Variants in DHX38 observed in about 807,000 individuals in gnomAD.
DHX38 encodes the protein DEAH-box helicase 38.
A neutral mutation model predicts 153.1 loss-of-function variants in DHX38; 100 were observed. The ratio of observed to expected loss-of-function variants is 0.65; its 90% CI spans 0.56 to 0.77. DHX38 has a LOEUF of 0.77. Ranked by LOEUF, DHX38 falls within the 30% of genes least tolerant of loss-of-function variation. The pLI is 0.00. For synonymous variants in DHX38, 650 were observed against 631.7 expected (o/e 1.03, Z -0.43); for missense variants, 1,440 against 1,654.0 (o/e 0.87, Z 2.24).
At chr16:72,100,388 G>A (rs777961797) in intron 8 of DHX38, 48 bp from the exon 9 acceptor site, 3 of 1,594,038 alleles carry the variant, frequency 1.9e-6, no homozygotes, top group South Asian at 2.3e-5. Context: ...CTTTCAGGAC[G>A]ACCTTTGGGG....
Position 72,097,279 on chromosome 16 carries a change from G to A in DHX38, c.511+270G>A, listed in dbSNP as rs945738262. On this transcript the variant is annotated intron_variant, in intron 3 of 26. Transcript: ENST00000268482. Reference sequence around the variant, plus strand: ...GGAGATAATGGGTAAATATGTATAAGAGACCAGCATTTCTAATAGTATTGG... The same window carrying A: ...GGAGATAATGGGTAAATATGTATAAAAGACCAGCATTTCTAATAGTATTGG... The A allele has an allele frequency of 2.8e-4, 115 of 414,650 alleles. 1 individual carries two copies. The East Asian group carries it at 4.5e-3, about 16-fold the overall frequency. The allele number at this position is 414,650 out of a possible 1,614,324, so 25.7% of individuals were successfully genotyped here.
Position 72,108,293 on chromosome 16 carries a change from T to C in DHX38, c.3031T>C (p.Tyr1011His). The change falls in exon 22 of 27, where the codon TAC (tyrosine) becomes CAC (histidine). Residue 1011 changes from tyrosine (Y) to histidine (H), a missense_variant. Tyr to His is a moderately conservative substitution (Grantham distance 83). Transcript: ENST00000268482. The stretch of plus-strand genomic sequence containing the variant: ...TGTTCCTGAGAGCGATCATTTGACC[T>C]ACCTGAATGTTTACCTGCAGTGGAA... ...FAVPESDHLT[Y>H]LNVYLQWKNN... is the part of the protein sequence containing the mutation. 1 of 1,614,146 alleles carries C rather than the reference T, an allele frequency of 6.2e-7. No individual in the cohort carries two copies.
chr16:72,098,212 T>C (rs919495090), intron 4 of DHX38, among the ~76,000 whole-genome samples: 3 of 151,988 alleles, frequency 2.0e-5, no homozygotes, highest in Non-Finnish European at 4.4e-5. Context: ...GCAGGCAGAT[T>C]ACTTGAGGTC....
At chr16:72,108,987 C>T in intron 24 of DHX38, 62 bp downstream of exon 24, 2 of 1,532,026 alleles carry the variant, frequency 1.3e-6, no homozygotes, top group Non-Finnish European at 1.8e-6. Flanking sequence ...CTTTGAAACC[C>T]TTCACTGCGT....
chr16:72,098,684 A>G lies in DHX38; in HGVS notation c.656A>G (p.Asp219Gly). Residue 219 changes from aspartate to glycine, a missense_variant, in exon 5 of 27, where the codon GAC (aspartate) becomes GGC (glycine). Physicochemically the swap from Asp to Gly is moderately conservative, Grantham distance 94. Coordinates refer to ENST00000268482, the MANE Select transcript of DHX38 (RefSeq NM_014003.4). ...TCAAGGTCTACCTGGGAGGAAGAGG[A>G]CAGTGGCTATGGCTCCTCAAGGCGC... Reference protein sequence around the residue: ...TPSRSTWEEEDSGYGSSRRSQ... With the variant: ...TPSRSTWEEEGSGYGSSRRSQ... 1 of 1,613,906 alleles carries G rather than the reference A, an allele frequency of 6.2e-7. No homozygotes were observed. Among genetic ancestry groups the G allele is most frequent in the Non-Finnish European group, 8.5e-7 (1 of 1,179,952 alleles).
At chr16:72,109,531 G>A (rs752848429) in intron 25 of DHX38, 21 bp downstream of exon 25, 11 of 1,599,352 alleles carry the variant, frequency 6.9e-6, no homozygotes, top group South Asian at 2.2e-5. Flanking sequence ...TGTGCTCTTC[G>A]CAGGGGTGCT....
intron 7 of DHX38, 150 bp downstream of exon 7, chr16:72,099,430 A>G (rs928520634): frequency 7.6e-5 from 58 of 758,778 alleles, no homozygotes; most frequent in Non-Finnish European, 1.9e-5. Flanking sequence ...CATAGACGGC[A>G]CGGTGAACCC....
intron 25 of DHX38, among the ~76,000 whole-genome samples, 193 bp from the exon 26 acceptor site, chr16:72,110,763 T>G (rs1361934349): frequency 6.6e-6 from 1 of 152,224 alleles, no homozygotes; most frequent in African/African-American, 2.4e-5. Context: ...GATTGTCCAG[T>G]GTCTTGAGTC....
chr16:72,109,532 C>T (rs374559136), intron 25 of DHX38, 22 bp downstream of exon 25: 71 of 1,599,740 alleles, frequency 4.4e-5, no homozygotes, highest in Middle Eastern at 1.7e-4. Context: ...GTGCTCTTCG[C>T]AGGGGTGCTG....
At chr16:72,098,884 T>A (rs771050071) in intron 5 of DHX38, 43 bp from the exon 6 acceptor site, 3 of 1,614,086 alleles carry the variant, frequency 1.9e-6, no homozygotes, top group Non-Finnish European at 2.5e-6. Flanking sequence ...GGACGTGGCT[T>A]AGCTCAGTGA....
At chr16:72,106,185 G>T (rs1224452268) in intron 19 of DHX38, 68 bp downstream of exon 19, 4 of 1,492,132 alleles carry the variant, frequency 2.7e-6, no homozygotes, top group Non-Finnish European at 3.7e-6. Context: ...GCCCGGGCGG[G>T]GGCGGGCAGG....
chr16:72,108,994 G>A, intron 24 of DHX38, 69 bp downstream of exon 24: 12 of 1,527,302 alleles, frequency 7.9e-6, no homozygotes, highest in Non-Finnish European at 1.1e-5. Context: ...ACCCTTCACT[G>A]CGTTCTGGCA....
At chr16:72,100,987 C>G in intron 9 of DHX38, 99 bp from the exon 10 acceptor site, 1 of 1,181,474 alleles carries the variant, frequency 8.5e-7, no homozygotes, top group Non-Finnish European at 1.3e-6. Context: ...TAGCCCTGTA[C>G]CATGAGAGGG....
chr16:72,099,605 C>A, intron 7 of DHX38, 127 bp from the exon 8 acceptor site: 1 of 1,319,106 alleles, frequency 7.6e-7, no homozygotes, highest in Non-Finnish European at 1.0e-6. Flanking sequence ...GCCTCTCCTG[C>A]ACCCCTCACA....
Position 72,098,714 on chromosome 16 carries a change from A to G in DHX38, c.686A>G (p.Gln229Arg). The G allele has an allele frequency of 1.2e-6, 2 of 1,613,992 alleles. No homozygotes were observed. The highest frequency in any genetic ancestry group is 1.7e-6 in the Non-Finnish European group (2 of 1,179,974). ...GGCTATGGCTCCTCAAGGCGCTCACAGTGGGAATCGCCCTCCCCGACGCCT... is the reference window on the plus strand; with the variant it reads ...GGCTATGGCTCCTCAAGGCGCTCACGGTGGGAATCGCCCTCCCCGACGCCT... ...DSGYGSSRRS[Q>R]WESPSPTPSY... The change falls in exon 5 of 27, where the codon CAG becomes CGG. Residue 229 changes from glutamine to arginine, a missense_variant. Gln to Arg is a conservative substitution (Grantham distance 43, BLOSUM62 1). This residue lies in a region of DHX38 where 483 missense variants were observed against 465.1 expected (regional missense o/e 1.04). Transcript: ENST00000268482.
In DHX38 at chr16:72,096,724, G is replaced by A. The variant is rs1006577582; in HGVS notation, c.324-98G>A. On this transcript the variant is annotated intron_variant, in intron 2 of 26. Transcript: ENST00000268482. ...TGAGCCTGCGTCCCAGGGAGAGAAA[G>A]TGGAAAAGGACAGATCACTTGTTTG... 6.6e-6 allele frequency: 10 copies of A among 1,503,898 alleles called. No homozygotes were observed. The Admixed American group carries it at 6.7e-5, about 10-fold the overall frequency. The allele number at this position is 1,503,898 out of a possible 1,614,324, so 93.2% of individuals were successfully genotyped here.
chr16:72,105,399 G>C (rs753699486), intron 17 of DHX38, 51 bp downstream of exon 17: 1 of 1,604,670 alleles, frequency 6.2e-7, no homozygotes, highest in East Asian at 2.2e-5. Context: ...TCTAAAGGAA[G>C]CGAGAGGGGA....
chr16:72,107,660 C>T lies in DHX38; in HGVS notation c.2825C>T (p.Thr942Ile), dbSNP rs748267362. The T allele has an allele frequency of 6.2e-7, 1 of 1,614,164 alleles. No homozygotes were observed. The highest frequency in any genetic ancestry group is 1.7e-5 in the Admixed American group (1 of 60,028). Reference protein sequence around the residue: ...ALDNTGGLTSTGRLMVEFPLD... With the variant: ...ALDNTGGLTSIGRLMVEFPLD... ...TCTCTCCTAGGTGGTCTGACCTCTA[C>T]CGGGCGGCTGATGGTGGAGTTCCCG... is the stretch of plus-strand genomic sequence containing the variant. The change falls in exon 21 of 27, where the codon ACC (threonine) becomes ATC (isoleucine). Residue 942 changes from threonine to isoleucine, a missense_variant. Physicochemically the swap from Thr to Ile is moderately conservative, Grantham distance 89. Around this residue, in one of 6 missense-constraint regions of DHX38, gnomAD observed 543 missense variants for 717.9 expected, o/e 0.76. Coordinates refer to ENST00000268482, the MANE Select transcript of DHX38 (RefSeq NM_014003.4). This position sits in a 1 kb window ranked among gnomAD's most constrained non-coding sequence, Gnocchi z 5.3.
Position 72,108,933 on chromosome 16 carries a change from T to C in DHX38, c.3381+8T>C. 1 of 1,594,294 alleles carries C rather than the reference T, an allele frequency of 6.3e-7. No homozygotes were observed. The highest frequency in any genetic ancestry group is 8.5e-7 in the Non-Finnish European group (1 of 1,169,870). On this transcript the variant is annotated splice_region_variant and intron_variant, in intron 24 of 26. Transcript: ENST00000268482. ...TTGGTCATGACCACCAAGGTGAGTC[T>C]TTTCCAAGGCACTTGCATAATGCAG...
Sources: allele counts gnomAD v4.1 joint callset (sites outside exome capture counted in the v4.1 genomes callset), GRCh38; gene constraint gnomAD v4.1.1; regional missense constraint gnomAD v4.1.1; non-coding constraint Gnocchi (gnomAD v3.1); transcripts MANE v1.5; gene names NCBI Gene and HGNC (gene_info 2026-07-23, HGNC 2026-07-21).